SLC2A10: variants seen among roughly 807,000 people sequenced by gnomAD.
The protein encoded by SLC2A10 is solute carrier family 2, facilitated glucose transporter member 10.
SLC2A10 carries 25 observed loss-of-function variants against 32.1 expected under a neutral mutation model. The ratio of observed to expected loss-of-function variants is 0.78; its 90% CI spans 0.57 to 1.09. The LOEUF (loss-of-function observed/expected upper bound fraction) is 1.09. SLC2A10 is among the 50% of genes least tolerant of loss of function. The probability of loss-of-function intolerance (pLI) is 0.00; values close to 1 mark genes in which losing one functional copy is unlikely to be tolerated. For missense variants in SLC2A10, 673 were observed against 686.5 expected, an observed-to-expected ratio of 0.98 and a Z score of 0.22; for synonymous variants, 332 against 309.6, an observed-to-expected ratio of 1.07 and a Z score of -0.76.
chr20:46,731,349 A>G (rs1008884860), intron 4 of SLC2A10, among the ~76,000 whole-genome samples: 5 of 152,196 alleles, frequency 3.3e-5, no homozygotes, highest in African/African-American at 1.2e-4. Flanking sequence ...GAACTTGGCT[A>G]CACCTATATG....
chr20:46,711,746 G>A (rs1978925984), intron 1 of SLC2A10, among the ~76,000 whole-genome samples: 1 of 152,160 alleles, frequency 6.6e-6, no homozygotes, highest in Admixed American at 6.5e-5. Flanking sequence ...TCTGGGGGCA[G>A]AACTGGGTTC....
chr20:46,725,779 C>A lies in SLC2A10; in HGVS notation c.743C>A (p.Pro248His). 6.2e-7 allele frequency: 1 copy of A among 1,614,204 alleles called. No homozygotes were observed. The highest frequency in any genetic ancestry group is 8.5e-7 in the Non-Finnish European group (1 of 1,180,026). ...CTCTTCCAGCAACTAACAGGGCAGC[C>A]CAACGTGCTGTGCTATGCCTCCACC... ...LVLFQQLTGQPNVLCYASTIF... is the reference protein window; with the variant it reads ...LVLFQQLTGQHNVLCYASTIF... Residue 248 changes from proline (P) to histidine (H), a missense_variant, in exon 2 of 5, where the codon CCC becomes CAC. By Grantham distance (77) the Pro-to-His change is moderately conservative. Transcript: ENST00000359271.
In SLC2A10 at chr20:46,725,771, A is replaced by C; in HGVS notation, c.735A>C (p.Thr245=). 6.2e-7 allele frequency: 1 copy of C among 1,614,186 alleles called. No homozygotes were observed. The highest frequency in any genetic ancestry group is 1.3e-5 in the African/African-American group (1 of 75,060). ...GGCTGGTGCTCTTCCAGCAACTAAC[A>C]GGGCAGCCCAACGTGCTGTGCTATG... ...GLGLVLFQQL[T]GQPNVLCYAS... Residue 245 remains threonine, a synonymous_variant, in exon 2 of 5, where the codon ACA becomes ACC. Transcript: ENST00000359271.
In SLC2A10 at chr20:46,716,309, C is replaced by T. The variant is rs530354108; in HGVS notation, c.4+6569C>T. Among the ~76,000 whole-genome samples, 5 of 152,106 alleles carry T rather than the reference C, an allele frequency of 3.3e-5. No individual in the cohort carries two copies. The East Asian group carries it at 9.7e-4, about 29-fold the overall frequency. On this transcript the variant is annotated intron_variant, in intron 1 of 4. Coordinates refer to ENST00000359271, the MANE Select transcript of SLC2A10 (RefSeq NM_030777.4). The stretch of plus-strand genomic sequence containing the variant: ...GCTGGGATTACAGGTGCATGCCACA[C>T]ACCCGGCTGATTTTTGTATTTTTAG...
At chr20:46,728,604 GTT>G (rs778644499) in intron 3 of SLC2A10, among the ~76,000 whole-genome samples, 10,445 of 100,964 alleles carry the variant, frequency 0.1, 483 homozygotes, top group African/African-American at 0.24. Context: ...TTCTGGGTGT[GTT>G]TTTTTTTTTT....
chr20:46,710,224 A>G (rs989472933), intron 1 of SLC2A10: 12 of 406,290 alleles, frequency 3.0e-5, no homozygotes, highest in African/African-American at 2.5e-4. Context: ...GAGAGGGGAC[A>G]GAGAAGGAGA....
At chr20:46,720,919 A>C (rs1979515634) in intron 1 of SLC2A10, among the ~76,000 whole-genome samples, 1 of 152,184 alleles carries the variant, frequency 6.6e-6, no homozygotes. Context: ...TTCTAATAAT[A>C]ATCATCTTAT....
intron 1 of SLC2A10, among the ~76,000 whole-genome samples, chr20:46,712,278 G>A (rs1031350196): frequency 6.6e-6 from 1 of 152,156 alleles, no homozygotes; most frequent in Admixed American, 6.5e-5. Flanking sequence ...GGAGCTTCAG[G>A]GAAAGCCACA....
chr20:46,727,955 C>A (rs1319711207), intron 3 of SLC2A10, among the ~76,000 whole-genome samples: 1 of 45,480 alleles, frequency 2.2e-5, no homozygotes, highest in Non-Finnish European at 3.8e-5. Context: ...AGTGGAAGAA[C>A]CCCCCCTATC....
Position 46,709,717 on chromosome 20 carries a change from G to T in SLC2A10, c.-20G>T, listed in dbSNP as rs1386092714. ...CCCGGCCCCTCAGCGCCCCCAGCAC[G>T]CCGCCGAGTCCCGCTCGCCATGGGT... On this transcript the variant is annotated 5_prime_UTR_variant, in exon 1 of 5. Coordinates refer to ENST00000359271, the MANE Select transcript of SLC2A10 (RefSeq NM_030777.4). 2 of 1,542,178 alleles carry T rather than the reference G, an allele frequency of 1.3e-6. No individual in the cohort carries two copies. Among genetic ancestry groups the T allele is most frequent in the Admixed American group, 2.0e-5 (1 of 50,632 alleles).
intron 1 of SLC2A10, among the ~76,000 whole-genome samples, chr20:46,715,233 C>CGTTTGTTT (rs11472342): frequency 0.26 from 38,762 of 151,186 alleles, 5,675 homozygotes; most frequent in East Asian, 0.47. Flanking sequence ...TTTTATTTCA[C>CGTTTGTTT]GTTTGTTTGT....
Position 46,725,222 on chromosome 20 carries a change from C to T in SLC2A10, c.186C>T (p.Ser62=), listed in dbSNP as rs761492208. The change falls in exon 2 of 5, where the codon TCC becomes TCT. Residue 62 remains serine (S), a synonymous_variant. Coordinates refer to ENST00000359271, the MANE Select transcript of SLC2A10 (RefSeq NM_030777.4). ...TGCTCCTGGGGGCTCTCCTCGCCTC[C>T]CTGGTTGGTGGCTTCCTCATTGACT... ...GSLLLGALLA[S]LVGGFLIDCY... 17 of 1,614,006 alleles carry T rather than the reference C, an allele frequency of 1.1e-5. No homozygotes were observed. The Admixed American group carries it at 2.5e-4, about 24-fold the overall frequency.
chr20:46,725,582 C>T lies in SLC2A10; in HGVS notation c.546C>T (p.Leu182=), dbSNP rs763055043. ...CTGCTGTCCTGCAATCCCTCAGCCT[C>T]CTCTTCCTCCCTGCTGGTACAGATG... is the stretch of plus-strand genomic sequence containing the variant. The part of the protein sequence containing the change: ...TAPAVLQSLS[L]LFLPAGTDET... Residue 182 remains leucine (L), a synonymous_variant, in exon 2 of 5, where the codon CTC becomes CTT. Transcript: ENST00000359271. 1.9e-6 allele frequency: 3 copies of T among 1,614,102 alleles called. No individual in the cohort carries two copies. The African/African-American group carries it at 4.0e-5, about 22-fold the overall frequency.
chr20:46,729,214 A>G, intron 3 of SLC2A10, 139 bp from the exon 4 acceptor site: 1 of 1,025,914 alleles, frequency 9.7e-7, no homozygotes, highest in Non-Finnish European at 1.5e-6. Context: ...CTTATTGGTC[A>G]CTCTGCAAAT....
In SLC2A10 at chr20:46,729,472, C is replaced by T. The variant is rs1980157926; in HGVS notation, c.1531C>T (p.Gln511Ter). 1 of 1,613,982 alleles carries T rather than the reference C, an allele frequency of 6.2e-7. No homozygotes were observed. The highest frequency in any genetic ancestry group is 8.5e-7 in the Non-Finnish European group (1 of 1,179,972). Residue 511 changes from glutamine to a stop codon, truncating the protein, a stop_gained, in exon 4 of 5, where the codon CAG (glutamine) becomes TAG (stop). Coordinates refer to ENST00000359271, the MANE Select transcript of SLC2A10 (RefSeq NM_030777.4). LOFTEE classifies it low-confidence loss of function (END_TRUNC). Reference protein sequence around the residue: ...KGQSLAEIDQQFQKRRFTLSF... With the variant: ...KGQSLAEIDQ ...CCAGTCGTTGGCAGAGATAGACCAG[C>T]AGTTCCAGAAGAGACGGTAGGAAGC... is the stretch of plus-strand genomic sequence containing the variant.
At chr20:46,729,515 G>A (rs1276559253) in intron 4 of SLC2A10, 27 bp downstream of exon 4, 1 of 1,613,664 alleles carries the variant, frequency 6.2e-7, no homozygotes, top group East Asian at 2.2e-5. Flanking sequence ...GTGGGTCTGG[G>A]GGAAGAGCTG....
In SLC2A10 at chr20:46,712,799, G is replaced by T. The variant is rs545504079; in HGVS notation, c.4+3059G>T. Among the ~76,000 whole-genome samples, 8 of 151,772 alleles carry T rather than the reference G, an allele frequency of 5.3e-5. No individual in the cohort carries two copies. In the East Asian group the frequency reaches 1.4e-3, roughly 26 times the overall value. On this transcript the variant is annotated intron_variant, in intron 1 of 4. Transcript: ENST00000359271. ...CTCCCAAGTAGCTGGAATTACAGGT[G>T]CACACCACTATTCCTGGCTCATTTT...
Position 46,726,092 on chromosome 20 carries a change from T to C in SLC2A10, c.1056T>C (p.Ser352=), listed in dbSNP as rs779784921. The C allele has an allele frequency of 6.2e-7, 1 of 1,614,236 alleles. No homozygotes were observed. Among genetic ancestry groups the C allele is most frequent in the Non-Finnish European group, 8.5e-7 (1 of 1,180,038 alleles). The change falls in exon 2 of 5, where the codon TCT becomes TCC. Residue 352 remains serine (S), a synonymous_variant. Coordinates refer to ENST00000359271, the MANE Select transcript of SLC2A10 (RefSeq NM_030777.4). ...PGDSGLLQDS[S]LPPIPRTNED... ...ACTCTGGCCTGCTGCAGGACTCCTC[T>C]CTACCTCCCATTCCAAGGACCAATG...
chr20:46,731,525 G>A (rs554421777), intron 4 of SLC2A10, among the ~76,000 whole-genome samples: 2 of 152,320 alleles, frequency 1.3e-5, no homozygotes, highest in East Asian at 3.9e-4. Flanking sequence ...AGGCAGAAAC[G>A]CTGGTGGGAG....
Sources: gnomAD v4.1 joint callset for allele counts (sites outside exome capture counted in the v4.1 genomes callset) on GRCh38, gnomAD v4.1.1 for gene constraint, MANE v1.5 for transcripts, NCBI Gene and HGNC (gene_info 2026-07-23, HGNC 2026-07-21) for gene names.